Variants in ARHGAP24 observed in about 807,000 individuals in gnomAD.
ARHGAP24 encodes Rho GTPase activating protein 24, also known as rho GTPase-activating protein 24.
A neutral mutation model predicts 76.4 loss-of-function variants in ARHGAP24; 50 were observed. The ratio of observed to expected loss-of-function variants is 0.65; its 90% CI spans 0.52 to 0.83. The LOEUF is 0.83. ARHGAP24 is among the 40% of genes least tolerant of loss of function. ARHGAP24 has a pLI of 0.00. For synonymous variants in ARHGAP24, 345 were observed against 323.3 expected (o/e 1.07, Z -0.72); for missense variants, 930 against 914.2 (o/e 1.02, Z -0.22).
In ARHGAP24 at chr4:85,496,698, CAG is replaced by C. The variant is rs78153130; in HGVS notation, c.-21+21142_-21+21143del. On this transcript the variant is annotated intron_variant, in intron 1 of 9. Coordinates refer to ENST00000395184, the MANE Select transcript of ARHGAP24 (RefSeq NM_001025616.3). The stretch of plus-strand genomic sequence containing the variant: ...TATTAAGTGGTAATAATAAAAAAGG[CAG>C]AGTCTTAGGTGCCCCATAGTTCATG... Among the ~76,000 whole-genome samples the C allele has an allele frequency of 8.0e-3, 1,213 of 152,278 alleles. 8 individuals carry two copies. The highest frequency in any genetic ancestry group is 0.013 in the Non-Finnish European group (903 of 68,020).
chr4:85,666,248 C>T (rs181223824), intron 2 of ARHGAP24, among the ~76,000 whole-genome samples: 25 of 152,282 alleles, frequency 1.6e-4, no homozygotes, highest in East Asian at 3.9e-4. Context: ...CTTCCCTTCT[C>T]GCTTCATTTC....
intron 3 of ARHGAP24, among the ~76,000 whole-genome samples, chr4:85,881,218 A>G (rs1733234298): frequency 6.6e-6 from 1 of 152,170 alleles, no homozygotes; most frequent in South Asian, 2.1e-4. Flanking sequence ...CCATGACTAC[A>G]CCATGGGTGG....
At chr4:85,923,533 A>G (rs1735847888) in intron 3 of ARHGAP24, 115 bp from the exon 4 acceptor site, 2 of 1,417,818 alleles carry the variant, frequency 1.4e-6, no homozygotes, top group African/African-American at 1.4e-5. Context: ...ATCATTGGGT[A>G]GAACTTAGTG....
intron 3 of ARHGAP24, among the ~76,000 whole-genome samples, chr4:85,910,961 C>A (rs2148799302): frequency 6.6e-6 from 1 of 152,268 alleles, no homozygotes; most frequent in South Asian, 2.1e-4. Flanking sequence ...GTGCCCTGCT[C>A]CACCCTGACT....
chr4:85,808,153 T>A (rs972418582), intron 3 of ARHGAP24, among the ~76,000 whole-genome samples: 25 of 152,350 alleles, frequency 1.6e-4, no homozygotes, highest in African/African-American at 5.8e-4. Context: ...GAAAAAAATA[T>A]GCTTTTTATT....
Position 85,695,510 on chromosome 4 carries a change from A to G in ARHGAP24, c.181-26375A>G, listed in dbSNP as rs143233829. ...AAATTATTGTGGGAGGTCTCTTTGT[A>G]AACTAGCAACCTTCTATTTTGAGCT... On this transcript the variant is annotated intron_variant, in intron 2 of 9. Transcript: ENST00000395184. Among the ~76,000 whole-genome samples, 109 of 152,338 alleles carry G rather than the reference A, an allele frequency of 7.2e-4. 1 individual carries two copies. Among genetic ancestry groups the G allele is most frequent in the African/African-American group, 2.5e-3 (106 of 41,586 alleles).
At chr4:85,673,520 G>A (rs1310896620) in intron 2 of ARHGAP24, among the ~76,000 whole-genome samples, 2 of 151,514 alleles carry the variant, frequency 1.3e-5, no homozygotes, top group East Asian at 3.9e-4. Context: ...TATGCCTTCT[G>A]TTCTATTCTG....
chr4:85,976,878 G>C (rs1739366554), intron 7 of ARHGAP24, among the ~76,000 whole-genome samples: 1 of 150,686 alleles, frequency 6.6e-6, no homozygotes, highest in South Asian at 2.1e-4. Context: ...CGCCTCCCGA[G>C]TTCAAGCGAT....
In ARHGAP24 at chr4:85,613,694, C is replaced by A. The variant is rs1332166677; in HGVS notation, c.180+42973C>A. On this transcript the variant is annotated intron_variant, in intron 2 of 9. Coordinates refer to ENST00000395184, the MANE Select transcript of ARHGAP24 (RefSeq NM_001025616.3). ...ACATTTTTAATATACTAGCCAGGAA[C>A]CTGCTTGCCTAAGTTTACAAGTTTA... 2.6e-5 allele frequency among the ~76,000 whole-genome samples: 4 copies of A among 152,164 alleles called. No individual in the cohort carries two copies. In the South Asian group the frequency reaches 6.2e-4, roughly 24 times the overall value.
intron 8 of ARHGAP24, among the ~76,000 whole-genome samples, chr4:85,988,228 AC>A (rs1211365832): frequency 6.6e-6 from 1 of 151,908 alleles, no homozygotes; most frequent in Non-Finnish European, 1.5e-5. Context: ...ACATGTGCAC[AC>A]AGATGAATGA....
intron 2 of ARHGAP24, among the ~76,000 whole-genome samples, chr4:85,696,085 C>A (rs375511721): frequency 5.3e-5 from 8 of 152,080 alleles, no homozygotes; most frequent in Non-Finnish European, 1.2e-4. Context: ...AATATATGAA[C>A]TAGATTGGGA....
intron 3 of ARHGAP24, among the ~76,000 whole-genome samples, chr4:85,753,395 CAGTT>C (rs763339213): frequency 2.0e-5 from 3 of 152,132 alleles, no homozygotes; most frequent in Admixed American, 1.3e-4. Flanking sequence ...AATTTTCAGA[CAGTT>C]AGGTAGTCAT....
chr4:85,833,471 C>T (rs1232469690), intron 3 of ARHGAP24, among the ~76,000 whole-genome samples: 3 of 150,704 alleles, frequency 2.0e-5, no homozygotes, highest in Admixed American at 1.3e-4. Flanking sequence ...TTCACACTAT[C>T]CTCTGACCTG....
At chr4:85,727,832 A>G (rs143307196) in intron 3 of ARHGAP24, among the ~76,000 whole-genome samples, 118 of 152,306 alleles carry the variant, frequency 7.7e-4, no homozygotes, top group Middle Eastern at 6.8e-3. Flanking sequence ...CCCAGTGCCT[A>G]AAATCAATAT....
intron 3 of ARHGAP24, among the ~76,000 whole-genome samples, chr4:85,877,362 C>T (rs1346466905): frequency 2.6e-5 from 4 of 152,122 alleles, no homozygotes; most frequent in Non-Finnish European, 4.4e-5. Context: ...CAGCAGCTCA[C>T]TCCTGTAATC....
intron 3 of ARHGAP24, among the ~76,000 whole-genome samples, chr4:85,837,871 A>T (rs1211141406): frequency 1.3e-5 from 2 of 152,146 alleles, no homozygotes; most frequent in African/African-American, 4.8e-5. Flanking sequence ...TCTTCTCTCG[A>T]GTCCTATAGT....
rs1033547067 is a variant in ARHGAP24, at chr4:85,831,685, T to C, written c.269-91963T>C. ...GGGAGGCCAGGGTGGGAGGATCACT[T>C]GAGCCCAGAAGTTCAAGACCAGGCT... On this transcript the variant is annotated intron_variant, in intron 3 of 9. Coordinates refer to ENST00000395184, the MANE Select transcript of ARHGAP24 (RefSeq NM_001025616.3). Among the ~76,000 whole-genome samples the C allele has an allele frequency of 4.6e-5, 7 of 152,244 alleles. No homozygotes were observed. In the East Asian group the frequency reaches 1.4e-3, roughly 29 times the overall value.
rs111409133 is a variant in ARHGAP24 at position 85,490,817 on chromosome 4, C to T, written c.-21+15258C>T. Among the ~76,000 whole-genome samples the T allele has an allele frequency of 4.6e-3, 697 of 152,248 alleles. 5 individuals are homozygous for T. The highest frequency in any genetic ancestry group is 0.016 in the African/African-American group (668 of 41,546). The stretch of plus-strand genomic sequence containing the variant: ...TTTGTTATTTTGCCCCAAAACAGAG[C>T]TTGTATGACCAGACATTATAAAAGC... On this transcript the variant is annotated intron_variant, in intron 1 of 9. Coordinates refer to ENST00000395184, the MANE Select transcript of ARHGAP24 (RefSeq NM_001025616.3).
chr4:85,674,436 A>G (rs960663872), intron 2 of ARHGAP24, among the ~76,000 whole-genome samples: 1 of 152,228 alleles, frequency 6.6e-6, no homozygotes, highest in East Asian at 1.9e-4. Context: ...ACCCCAGAAT[A>G]ATACAAAATC....
Sources: allele counts gnomAD v4.1 joint callset (sites outside exome capture counted in the v4.1 genomes callset), GRCh38; gene constraint gnomAD v4.1.1; transcripts MANE v1.5; gene names NCBI Gene and HGNC (gene_info 2026-07-23, HGNC 2026-07-21).